The following LGALS8 variants were observed in gnomAD, a reference collection of about 807,000 sequenced individuals.
The protein encoded by LGALS8 is galectin 8.
Under a neutral mutation model 35.9 loss-of-function variants are expected in LGALS8, and 30 were observed. That is an observed-to-expected ratio of 0.83 (90% CI 0.62 to 1.13). The LOEUF (loss-of-function observed/expected upper bound fraction) is 1.13. Ranked by LOEUF, LGALS8 falls within the 50% of genes most tolerant of loss-of-function variation. The probability of loss-of-function intolerance (pLI) is 0.00; values close to 1 mark genes in which losing one functional copy is unlikely to be tolerated. For synonymous variants in LGALS8, 138 were observed against 136.1 expected (o/e 1.01, Z -0.10); for missense variants, 366 against 388.7 (o/e 0.94, Z 0.49).
chr1:236,522,534 C>T (rs563897502), upstream of LGALS8, among the ~76,000 whole-genome samples: 1 of 152,258 alleles, frequency 6.6e-6, no homozygotes, highest in African/African-American at 2.4e-5. Flanking sequence ...TGAGGGAAAC[C>T]CTGTCTCAAA....
At chr1:236,519,982 A>G (rs1660506952), upstream of LGALS8, among the ~76,000 whole-genome samples, 1 of 116,948 alleles carries the variant, frequency 8.6e-6, no homozygotes, top group Admixed American at 1.0e-4. Flanking sequence ...TTTTAGACAC[A>G]GTTTCACTCT....
chr1:236,537,928 C>CCCCG (rs1483035349), intron 3 of LGALS8, among the ~76,000 whole-genome samples: 1 of 89,620 alleles, frequency 1.1e-5, no homozygotes, highest in African/African-American at 3.4e-5. Context: ...TGAGACCCCC[C>CCCCG]ATCTGTAAAA....
At chr1:236,547,511 TATTA>T (rs750316284) in intron 9 of LGALS8, among the ~76,000 whole-genome samples, 10 of 151,512 alleles carry the variant, frequency 6.6e-5, no homozygotes, top group Non-Finnish European at 8.8e-5. Context: ...TGAAATTTCA[TATTA>T]ATTGTCTGGT....
rs965908211 is a variant in LGALS8, at chr1:236,526,946, G to A, written c.45+831G>A. ...TTTTAATGTCATTGTGTAAGAATGA[G>A]GTATCGCTGCTGTATCAAGCAAAGT... On this transcript the variant is annotated intron_variant, in intron 2 of 9. Transcript: ENST00000366584. The surrounding 1 kb of genome is among the most constrained non-coding windows in gnomAD (Gnocchi z 4.6). Among the ~76,000 whole-genome samples the A allele has an allele frequency of 2.0e-5, 3 of 152,106 alleles. No homozygotes were observed. The highest frequency in any genetic ancestry group is 1.3e-4 in the Admixed American group (2 of 15,278).
intron 2 of LGALS8, among the ~76,000 whole-genome samples, chr1:236,529,789 C>T (rs1268952127): frequency 6.6e-6 from 1 of 151,692 alleles, no homozygotes; most frequent in Non-Finnish European, 1.5e-5. Context: ...GCTGGGACTA[C>T]AGGCGCACAC....
intron 2 of LGALS8, among the ~76,000 whole-genome samples, chr1:236,528,116 C>T (rs1660921246): frequency 6.6e-6 from 1 of 152,054 alleles, no homozygotes; most frequent in Non-Finnish European, 1.5e-5. Flanking sequence ...GGCATGGTGG[C>T]TCACACCTGT....
rs550905903 is a variant in LGALS8, at chr1:236,541,687, C to T, written c.499C>T (p.Leu167=). 2.6e-6 allele frequency: 4 copies of T among 1,529,892 alleles called. No homozygotes were observed. In the Admixed American group the frequency reaches 5.8e-5, roughly 22 times the overall value. 94.8% of individuals were successfully genotyped at this position (1,529,892 alleles called of 1,614,324 possible). A position where few individuals can be genotyped will look rare whatever the true frequency, so the allele number is the denominator to read the frequency against. Residue 167 remains leucine, a synonymous_variant, in exon 6 of 10, where the codon CTG becomes TTG. Transcript: ENST00000366584. The part of the protein sequence containing the change: ...LQSTQASSLE[L]TEISRENVPK... ...AAGTACCCAAGCATCTAGTCTGGAACTGACAGAGATAAGTAGAGAAAATGT... is the reference window on the plus strand; with the variant it reads ...AAGTACCCAAGCATCTAGTCTGGAATTGACAGAGATAAGTAGAGAAAATGT...
intron 1 of LGALS8, 85 bp from the exon 2 acceptor site, chr1:236,525,880 CATA>C: frequency 2.2e-6 from 1 of 464,092 alleles, no homozygotes; most frequent in African/African-American, 1.9e-5. Context: ...ATATCAGTAA[CATA>C]ATATATAATT....
At chr1:236,537,698 T>C in intron 3 of LGALS8, 113 bp downstream of exon 3, 1 of 771,346 alleles carries the variant, frequency 1.3e-6, no homozygotes, top group Non-Finnish European at 2.3e-6. Flanking sequence ...CCCAATTAGC[T>C]TTCATCAGCA....
In LGALS8 at chr1:236,524,075, C is replaced by A. The variant is rs775801391; in HGVS notation, c.-104+14C>A. The A allele has an allele frequency of 3.0e-4, 138 of 454,918 alleles. No individual in the cohort carries two copies. Among genetic ancestry groups the A allele is most frequent in the Non-Finnish European group, 5.2e-4 (118 of 226,646 alleles). The allele number at this position is 454,918 out of a possible 1,614,324, so 28.2% of individuals were successfully genotyped here. On this transcript the variant is annotated intron_variant, in intron 1 of 9. Transcript: ENST00000366584. The stretch of plus-strand genomic sequence containing the variant: ...ACCAGTCTTTGGGTGAGTCGCGCGA[C>A]CCCCGGCCTCGGGTGGCGGGGCAGT...
chr1:236,524,649 G>A (rs1660714165), intron 1 of LGALS8: 2 of 347,500 alleles, frequency 5.8e-6, no homozygotes, highest in South Asian at 4.3e-5. Flanking sequence ...GTTCATGCTG[G>A]CGGGACCTGT....
At chr1:236,539,294 C>G (rs1378942956) in intron 4 of LGALS8, 5 of 572,216 alleles carry the variant, frequency 8.7e-6, no homozygotes, top group Non-Finnish European at 1.3e-5. Context: ...TGTTGCCATG[C>G]AGAAATATGG....
chr1:236,542,356 G>A, intron 6 of LGALS8: 1 of 221,718 alleles, frequency 4.5e-6, no homozygotes, highest in South Asian at 8.1e-5. Context: ...GTGGCGCATG[G>A]CTGTGATCCC....
In LGALS8 at chr1:236,544,810, C is replaced by G; in HGVS notation, c.699C>G (p.Arg233=). 4 of 1,613,794 alleles carry G rather than the reference C, an allele frequency of 2.5e-6. No individual in the cohort carries two copies. The highest frequency in any genetic ancestry group is 2.5e-6 in the Non-Finnish European group (3 of 1,179,750). The change falls in exon 9 of 10, where the codon CGC becomes CGG. Residue 233 remains arginine (R), a synonymous_variant. Coordinates refer to ENST00000366584, the MANE Select transcript of LGALS8 (RefSeq NM_201544.4). The stretch of plus-strand genomic sequence containing the variant: ...ATATTGCTCTACACTTGAACCCACG[C>G]CTGAATATTAAAGCATTTGTAAGAA... ...SKDIALHLNP[R]LNIKAFVRNS...
At chr1:236,543,927 C>A (rs552973862) in intron 8 of LGALS8, among the ~76,000 whole-genome samples, 1 of 148,280 alleles carries the variant, frequency 6.7e-6, no homozygotes, top group Admixed American at 6.8e-5. Context: ...AGAGCAGCCC[C>A]GTAAGATCAG....
intron 2 of LGALS8, among the ~76,000 whole-genome samples, chr1:236,531,448 G>A (rs1217931278): frequency 6.6e-6 from 1 of 151,858 alleles, no homozygotes; most frequent in African/African-American, 2.4e-5. Context: ...CTCAGCCTCC[G>A]GAGTAGCTGG....
intron 9 of LGALS8, among the ~76,000 whole-genome samples, chr1:236,547,732 G>A (rs928831607): frequency 5.3e-5 from 8 of 152,212 alleles, no homozygotes; most frequent in African/African-American, 1.7e-4. Context: ...GGCCGAGGGA[G>A]AGGGGCTGTG....
intron 5 of LGALS8, 63 bp from the exon 6 acceptor site, chr1:236,541,587 AATAT>A: frequency 1.4e-6 from 1 of 737,984 alleles, no homozygotes; most frequent in South Asian, 1.9e-5. Context: ...TTTATATGTC[AATAT>A]AAAATATTTA....
At chr1:236,522,340 A>T (rs1347823180), upstream of LGALS8, among the ~76,000 whole-genome samples, 1 of 152,102 alleles carries the variant, frequency 6.6e-6, no homozygotes, top group African/African-American at 2.4e-5. Flanking sequence ...TTGGTGTCTC[A>T]TGCCTGTAAT....
Sources: allele counts gnomAD v4.1 joint callset (sites outside exome capture counted in the v4.1 genomes callset), GRCh38; gene constraint gnomAD v4.1.1; non-coding constraint Gnocchi (gnomAD v3.1); transcripts MANE v1.5; gene names NCBI Gene and HGNC (gene_info 2026-07-23, HGNC 2026-07-21).